The following NYAP2 variants were observed in gnomAD, a reference collection of about 807,000 sequenced individuals.
NYAP2 encodes the protein neuronal tyrosine-phosphorylated phosphoinositide-3-kinase adaptor 2.
A neutral mutation model predicts 50.4 loss-of-function variants in NYAP2; 23 were observed. The observed-to-expected ratio is 0.46, with a 90% CI of 0.33 to 0.65. NYAP2 has a LOEUF of 0.65. NYAP2 is among the 30% of genes least tolerant of loss of function. The pLI, the probability that NYAP2 is intolerant of heterozygous loss-of-function variation, is 0.02. For synonymous variants in NYAP2, 394 were observed against 365.2 expected (o/e 1.08, Z -0.90); for missense variants, 885 against 861.0 (o/e 1.03, Z -0.35).
At chr2:225,410,798 G>C (rs994032880) in intron 3 of NYAP2, among the ~76,000 whole-genome samples, 2 of 152,010 alleles carry the variant, frequency 1.3e-5, no homozygotes, top group Admixed American at 1.3e-4. Context: ...GTGCTTAACT[G>C]TCAAGTGTTC....
At chr2:225,536,087 A>C (rs1691345059) in intron 4 of NYAP2, among the ~76,000 whole-genome samples, 1 of 152,216 alleles carries the variant, frequency 6.6e-6, no homozygotes, top group South Asian at 2.1e-4. Context: ...AGCCATAGCT[A>C]TTTCATCAAA....
chr2:225,532,941 C>T (rs1392036724), intron 4 of NYAP2, among the ~76,000 whole-genome samples: 1 of 152,156 alleles, frequency 6.6e-6, no homozygotes, highest in Non-Finnish European at 1.5e-5. Context: ...CGATACTATG[C>T]TAGGCAATAG....
chr2:225,590,796 T>C (rs1439438334), intron 5 of NYAP2, among the ~76,000 whole-genome samples: 1 of 152,188 alleles, frequency 6.6e-6, no homozygotes, highest in Non-Finnish European at 1.5e-5. Context: ...TCAAAAGAGA[T>C]AACAATTTCA....
chr2:225,651,508 G>T, exon 7 of NYAP2: 1 of 1,613,946 alleles, frequency 6.2e-7, no homozygotes, highest in Non-Finnish European at 8.5e-7. Context: ...CTCCCCTCAG[G>T]CAAAGCAGTG....
At chr2:225,473,229 T>C (rs909865323) in intron 3 of NYAP2, among the ~76,000 whole-genome samples, 2 of 152,226 alleles carry the variant, frequency 1.3e-5, no homozygotes, top group African/African-American at 4.8e-5. Context: ...TTGGGTTGGT[T>C]CCAAGTCTTT....
the NYAP2 span, among the ~76,000 whole-genome samples, chr2:225,679,100 T>C: frequency 6.6e-6 from 1 of 152,148 alleles, no homozygotes; most frequent in Non-Finnish European, 1.5e-5. Context: ...TGGCAAGTGT[T>C]GTTCAGGGGA....
chr2:225,699,494 T>TG, the NYAP2 span: 1 of 151,934 alleles, frequency 6.6e-6, no homozygotes, highest in Admixed American at 6.6e-5. Context: ...TTCATGTGTA[T>TG]GCTTGTTTCC....
chr2:225,612,325 G>GAACAA (rs1274963358), intron 5 of NYAP2, among the ~76,000 whole-genome samples: 2 of 150,916 alleles, frequency 1.3e-5, no homozygotes, highest in South Asian at 2.1e-4. Context: ...AAAATAACCC[G>GAACAA]AACAAAACAA....
chr2:225,658,011 G>C (rs1693855699), downstream of NYAP2, among the ~76,000 whole-genome samples: 2 of 152,148 alleles, frequency 1.3e-5, no homozygotes, highest in African/African-American at 4.8e-5. Context: ...TGATATTCCA[G>C]ATTCTCCTAT....
intron 5 of NYAP2, among the ~76,000 whole-genome samples, chr2:225,597,180 G>C (rs1692614873): frequency 6.6e-6 from 1 of 152,026 alleles, no homozygotes; most frequent in Non-Finnish European, 1.5e-5. Context: ...TGGGGAAACA[G>C]GTGGTGTTGG....
At chr2:225,608,473 A>C (rs116014300) in intron 5 of NYAP2, among the ~76,000 whole-genome samples, 16 of 152,216 alleles carry the variant, frequency 1.1e-4, no homozygotes, top group Non-Finnish European at 1.6e-4. Flanking sequence ...AAATAAATAC[A>C]AACTCTGTAG....
chr2:225,486,032 C>CT (rs1330677413), intron 3 of NYAP2, among the ~76,000 whole-genome samples: 1 of 152,158 alleles, frequency 6.6e-6, no homozygotes, highest in Non-Finnish European at 1.5e-5. Flanking sequence ...CACTTCTCTC[C>CT]TACCCCCATT....
At chr2:225,687,811 A>G in the NYAP2 span, among the ~76,000 whole-genome samples, 1 of 152,170 alleles carries the variant, frequency 6.6e-6, no homozygotes, top group Non-Finnish European at 1.5e-5. Context: ...GTACGTATGG[A>G]CAGAGAACGG....
At chr2:225,460,334 C>G (rs1689809307) in intron 3 of NYAP2, among the ~76,000 whole-genome samples, 1 of 152,160 alleles carries the variant, frequency 6.6e-6, no homozygotes, top group African/African-American at 2.4e-5. Context: ...TTACTGATTA[C>G]TTTGATAAAA....
the NYAP2 span, among the ~76,000 whole-genome samples, chr2:225,692,778 CATG>C: frequency 2.0e-5 from 3 of 151,852 alleles, no homozygotes; most frequent in Non-Finnish European, 2.9e-5. Context: ...TAGCTCTTTC[CATG>C]ATACCATGTT....
chr2:225,523,643 A>G lies in NYAP2; in HGVS notation c.523+9971A>G, dbSNP rs368776919. Among the ~76,000 whole-genome samples the G allele has an allele frequency of 5.9e-5, 9 of 152,302 alleles. No individual in the cohort carries two copies. The East Asian group carries it at 1.7e-3, about 29-fold the overall frequency. On this transcript the variant is annotated intron_variant, in intron 4 of 6. Transcript: ENST00000636099. Reference sequence around the variant, plus strand: ...TTAAAATGACCATATTGTCCAAAGCAATCTAGAGATTTGACACAATCCCTA... The same window carrying G: ...TTAAAATGACCATATTGTCCAAAGCGATCTAGAGATTTGACACAATCCCTA...
exon 7 of NYAP2, chr2:225,652,400 G>A (rs944567657): frequency 1.7e-4 from 26 of 152,224 alleles, no homozygotes; most frequent in African/African-American, 6.0e-4. Flanking sequence ...AGAAATAAAG[G>A]CATAAACTGA....
intron 2 of NYAP2, among the ~76,000 whole-genome samples, chr2:225,402,514 C>T (rs1694879558): frequency 6.6e-6 from 1 of 151,918 alleles, no homozygotes; most frequent in Admixed American, 6.6e-5. Context: ...CTCTTTACAC[C>T]ATGGGCAAAC....
intron 4 of NYAP2, among the ~76,000 whole-genome samples, chr2:225,552,921 C>T (rs1472570718): frequency 1.3e-5 from 2 of 152,050 alleles, no homozygotes; most frequent in African/African-American, 2.4e-5. Flanking sequence ...CTCCTGACCT[C>T]GTGATCCACC....
Sources: allele counts gnomAD v4.1 joint callset (sites outside exome capture counted in the v4.1 genomes callset), GRCh38; gene constraint gnomAD v4.1.1; transcripts MANE v1.5; gene names NCBI Gene and HGNC (gene_info 2026-07-23, HGNC 2026-07-21).